The following MYCT1 variants were observed in gnomAD, a reference collection of about 807,000 sequenced individuals.
MYCT1 encodes the protein myc target protein 1.
Under a neutral mutation model 15.0 loss-of-function variants are expected in MYCT1, and 12 were observed. That is an observed-to-expected ratio of 0.80 (90% CI 0.51 to 1.29). The LOEUF is 1.29. MYCT1 is among the 50% of genes most tolerant of loss of function. The pLI is 0.00. For missense variants in MYCT1, 287 were observed against 279.1 expected, an observed-to-expected ratio of 1.03 and a Z score of -0.20; for synonymous variants, 104 against 102.7, an observed-to-expected ratio of 1.01 and a Z score of -0.07.
At chr6:152,728,461 A>C (rs1264401344), downstream of MYCT1, among the ~76,000 whole-genome samples, 1 of 152,204 alleles carries the variant, frequency 6.6e-6, no homozygotes, top group Non-Finnish European at 1.5e-5. Flanking sequence ...TTACATAAAG[A>C]GCTCACAGGA....
At chr6:152,698,171 A>C in intron 1 of MYCT1, 73 bp downstream of exon 1, 1 of 853,986 alleles carries the variant, frequency 1.2e-6, no homozygotes, top group African/African-American at 1.8e-5. Flanking sequence ...TTATTAAAAC[A>C]GTGAAAATCT....
Position 152,724,415 on chromosome 6 carries a change from A to C in MYCT1, c.*2162A>C, listed in dbSNP as rs900426860. 2 of 152,152 alleles carry C rather than the reference A, an allele frequency of 1.3e-5. No homozygotes were observed. Among genetic ancestry groups the C allele is most frequent in the Non-Finnish European group, 2.9e-5 (2 of 68,012 alleles). 9.4% of individuals were successfully genotyped at this position (152,152 alleles called of 1,614,324 possible). A position where few individuals can be genotyped will look rare whatever the true frequency, so the allele number is the denominator to read the frequency against. Reference sequence around the variant, plus strand: ...AACCATCTGGCAGAATTGTTGCTGCACCCTTATCCCAGTTATAAGACAGTC... The same window carrying C: ...AACCATCTGGCAGAATTGTTGCTGCCCCCTTATCCCAGTTATAAGACAGTC... On this transcript the variant is annotated 3_prime_UTR_variant, in exon 2 of 2. Transcript: ENST00000367245.
chr6:152,708,860 ATT>A (rs573898870), intron 1 of MYCT1, among the ~76,000 whole-genome samples: 2 of 70,324 alleles, frequency 2.8e-5, no homozygotes, highest in African/African-American at 7.7e-5. Flanking sequence ...TTATTTTTTT[ATT>A]TTTTTTTTTA....
chr6:152,717,300 A>G (rs1367824135), intron 1 of MYCT1, among the ~76,000 whole-genome samples: 1 of 152,162 alleles, frequency 6.6e-6, no homozygotes, highest in African/African-American at 2.4e-5. Flanking sequence ...ATAGATAAGT[A>G]TTTTACCATA....
the MYCT1 span, among the ~76,000 whole-genome samples, chr6:152,741,342 C>G: frequency 6.6e-6 from 1 of 151,848 alleles, no homozygotes; most frequent in African/African-American, 2.4e-5. Context: ...TTTGCTTCAG[C>G]AAAAAGGAGG....
the MYCT1 span, among the ~76,000 whole-genome samples, chr6:152,738,770 G>T: frequency 7.2e-5 from 11 of 152,158 alleles, no homozygotes; most frequent in South Asian, 4.1e-4. Flanking sequence ...GTATTCAGAA[G>T]GTTGGACTAA....
chr6:152,729,783 A>G, the MYCT1 span, among the ~76,000 whole-genome samples: 1 of 152,200 alleles, frequency 6.6e-6, no homozygotes, highest in South Asian at 2.1e-4. Flanking sequence ...CAGGTGCTCA[A>G]CAGACCAAAA....
the MYCT1 span, among the ~76,000 whole-genome samples, chr6:152,742,051 C>T: frequency 1.3e-5 from 2 of 152,170 alleles, no homozygotes; most frequent in African/African-American, 2.4e-5. Flanking sequence ...CTCATTCACT[C>T]GCTCATCTGA....
chr6:152,734,245 T>A, the MYCT1 span, among the ~76,000 whole-genome samples: 1 of 152,176 alleles, frequency 6.6e-6, no homozygotes, highest in Non-Finnish European at 1.5e-5. Flanking sequence ...GGTTCCCACA[T>A]CATATCTCAG....
downstream of MYCT1, among the ~76,000 whole-genome samples, chr6:152,728,172 A>T (rs1320014412): frequency 6.6e-6 from 1 of 152,064 alleles, no homozygotes; most frequent in Non-Finnish European, 1.5e-5. Flanking sequence ...TGGAAAAAAA[A>T]AAAAAAGGAA....
the MYCT1 span, among the ~76,000 whole-genome samples, chr6:152,741,432 G>A: frequency 6.6e-6 from 1 of 152,100 alleles, no homozygotes; most frequent in African/African-American, 2.4e-5. Context: ...CACCTTGAAT[G>A]TTTATTCTTA....
intron 1 of MYCT1, among the ~76,000 whole-genome samples, chr6:152,703,180 A>G (rs1936724): frequency 0.37 from 56,642 of 151,992 alleles, 11,426 homozygotes; most frequent in East Asian, 0.62. Flanking sequence ...AAAATTCCCT[A>G]TTGTAACTAT....
chr6:152,720,808 G>A (rs2099724568), intron 1 of MYCT1, among the ~76,000 whole-genome samples: 1 of 152,168 alleles, frequency 6.6e-6, no homozygotes, highest in African/African-American at 2.4e-5. Context: ...GGGACCAACA[G>A]GCTGGAGGAG....
At chr6:152,728,740 C>A (rs1565398013), downstream of MYCT1, among the ~76,000 whole-genome samples, 1 of 151,646 alleles carries the variant, frequency 6.6e-6, no homozygotes, top group African/African-American at 2.4e-5. Flanking sequence ...TACTAAAAAT[C>A]AAAAAACTAG....
the MYCT1 span, among the ~76,000 whole-genome samples, chr6:152,730,291 G>A: frequency 6.6e-6 from 1 of 152,120 alleles, no homozygotes; most frequent in Admixed American, 6.6e-5. Context: ...GTCCAAATCT[G>A]GACCCAGGTG....
At chr6:152,741,749 C>T in the MYCT1 span, among the ~76,000 whole-genome samples, 2 of 152,014 alleles carry the variant, frequency 1.3e-5, no homozygotes, top group Admixed American at 1.3e-4. Context: ...TTTAAAAATA[C>T]GTCCCAATAT....
chr6:152,741,831 AG>A, the MYCT1 span, among the ~76,000 whole-genome samples: 2 of 152,170 alleles, frequency 1.3e-5, no homozygotes, highest in Non-Finnish European at 2.9e-5. Flanking sequence ...CTTAGCCTAG[AG>A]AAAAAAAGAA....
rs1191772875 is a variant in MYCT1, at chr6:152,712,480, G to C, written c.197-9262G>C. Among the ~76,000 whole-genome samples, 2 of 72,240 alleles carry C rather than the reference G, an allele frequency of 2.8e-5. 1 individual carries two copies. The highest frequency in any genetic ancestry group is 7.3e-5 in the African/African-American group (2 of 27,264). 47.4% of individuals were successfully genotyped at this position (72,240 alleles called of 152,430 possible). The stretch of plus-strand genomic sequence containing the variant: ...CCCAGGTGAGGCAATGCCTCGCCCT[G>C]CTTCGGCTCGCGCACGGTGCGCACA... On this transcript the variant is annotated intron_variant, in intron 1 of 1. Transcript: ENST00000367245.
Position 152,724,451 on chromosome 6 carries a change from T to C in MYCT1, c.*2198T>C, listed in dbSNP as rs7739990. On this transcript the variant is annotated 3_prime_UTR_variant, in exon 2 of 2. Transcript: ENST00000367245. ...AGTTATAAGACAGTCAAAATGACTATTTCCTAAATATTGTGAGTGTATGAA... is the reference window on the plus strand; with the variant it reads ...AGTTATAAGACAGTCAAAATGACTACTTCCTAAATATTGTGAGTGTATGAA... 311 of 152,330 alleles carry C rather than the reference T, an allele frequency of 2.0e-3. No individual in the cohort carries two copies. The highest frequency in any genetic ancestry group is 7.1e-3 in the African/African-American group (294 of 41,584). The allele number at this position is 152,330 out of a possible 1,614,324, so 9.4% of individuals were successfully genotyped here.
Sources: allele counts gnomAD v4.1 joint callset (sites outside exome capture counted in the v4.1 genomes callset), GRCh38; gene constraint gnomAD v4.1.1; transcripts MANE v1.5; gene names NCBI Gene and HGNC (gene_info 2026-07-23, HGNC 2026-07-21).